CTDP1: variants seen among roughly 807,000 people sequenced by gnomAD.
The protein encoded by CTDP1 is RNA polymerase II subunit A C-terminal domain phosphatase.
A neutral mutation model predicts 91.8 loss-of-function variants in CTDP1; 47 were observed. That is an observed-to-expected ratio of 0.51 (90% confidence interval 0.41 to 0.65). The LOEUF is 0.65. CTDP1 is among the 30% of genes least tolerant of loss of function. The pLI, the probability that CTDP1 is intolerant of heterozygous loss-of-function variation, is 0.00. For synonymous variants in CTDP1, 656 were observed against 598.5 expected (o/e 1.10, Z -1.40); for missense variants, 1,272 against 1,373.7 (o/e 0.93, Z 1.17).
chr18:79,695,007 T>C (rs564071785), intron 1 of CTDP1, among the ~76,000 whole-genome samples: 2 of 152,304 alleles, frequency 1.3e-5, no homozygotes, highest in Admixed American at 1.3e-4. Flanking sequence ...TGAGGTGTGG[T>C]GGCGTGTCAT....
chr18:79,713,131 A>G lies in CTDP1; in HGVS notation c.1023A>G (p.Arg341=), dbSNP rs758608221. 21 of 1,613,918 alleles carry G rather than the reference A, an allele frequency of 1.3e-5. No homozygotes were observed. The African/African-American group carries it at 2.0e-4, about 15-fold the overall frequency. The part of the protein sequence containing the change: ...APPGSRESQT[R]KKVNHSRGTE... ...CTGGGTCCCGAGAATCTCAGACGAG[A>G]AAGAAAGGTGGGTAACCTCCTTCCT... Residue 341 remains arginine (R), a synonymous_variant, in exon 7 of 13, where the codon AGA becomes AGG. Coordinates refer to ENST00000613122, the MANE Select transcript of CTDP1 (RefSeq NM_004715.5). The surrounding 1 kb of genome is among the most constrained non-coding windows in gnomAD (Gnocchi z 4.7).
intron 11 of CTDP1, among the ~76,000 whole-genome samples, chr18:79,729,282 G>T (rs528300092): frequency 6.6e-6 from 1 of 152,354 alleles, no homozygotes; most frequent in South Asian, 2.1e-4. Flanking sequence ...TGTGTCCGCA[G>T]TGTGTGGCAT....
intron 12 of CTDP1, among the ~76,000 whole-genome samples, chr18:79,748,060 TTCTA>T (rs1405080810): frequency 1.3e-5 from 2 of 152,240 alleles, no homozygotes; most frequent in Non-Finnish European, 1.5e-5. Context: ...TTTCCCCAAA[TTCTA>T]TCTGTTAACA....
At chr18:79,716,756 C>T (rs2086217573) in intron 8 of CTDP1, among the ~76,000 whole-genome samples, 1 of 152,272 alleles carries the variant, frequency 6.6e-6, no homozygotes, top group African/African-American at 2.4e-5. Flanking sequence ...TTCCTTCCTT[C>T]CCCCTGAATT....
rs1244659199 is a variant in CTDP1 at position 79,713,511 on chromosome 18, A to AACC, written c.1030+374_1030+376dup. Reference sequence around the variant, plus strand: ...TGGGGGCGGTGGCTCTGCGGGGAATAACCGTTCCCCATGCGCAGTGGTCAG... The same window carrying AACC: ...TGGGGGCGGTGGCTCTGCGGGGAATAACCACCGTTCCCCATGCGCAGTGGTCAG... On this transcript the variant is annotated intron_variant, in intron 7 of 12. Coordinates refer to ENST00000613122, the MANE Select transcript of CTDP1 (RefSeq NM_004715.5). The surrounding 1 kb of genome is among the most constrained non-coding windows in gnomAD (Gnocchi z 4.7). Among the ~76,000 whole-genome samples, 2 of 152,202 alleles carry AACC rather than the reference A, an allele frequency of 1.3e-5. No individual in the cohort carries two copies. The highest frequency in any genetic ancestry group is 2.9e-5 in the Non-Finnish European group (2 of 68,032).
At chr18:79,690,271 G>T (rs1362111351) in intron 1 of CTDP1, among the ~76,000 whole-genome samples, 2 of 150,886 alleles carry the variant, frequency 1.3e-5, no homozygotes, top group East Asian at 3.8e-4. Context: ...GACCTCCCCT[G>T]AGAGAGCTGA....
At chr18:79,700,784 G>C (rs2085841615) in intron 4 of CTDP1, among the ~76,000 whole-genome samples, 1 of 152,222 alleles carries the variant, frequency 6.6e-6, no homozygotes, top group Non-Finnish European at 1.5e-5. Flanking sequence ...GACTTTCATA[G>C]CTGGAGAGGA....
At position 79,734,838 on chromosome 18, in the gene CTDP1, C is replaced by T. The variant is rs180917041; in HGVS notation, c.2581-1517C>T. ...GAAGTGTGAATATTAGTAACCTTGT[C>T]GAGTAACCAGATGCTCTTATTAAAT... On this transcript the variant is annotated intron_variant, in intron 11 of 12. Transcript: ENST00000613122. Among the ~76,000 whole-genome samples the T allele has an allele frequency of 9.8e-4, 150 of 152,314 alleles. 1 individual carries two copies. Among genetic ancestry groups the T allele is most frequent in the African/African-American group, 2.6e-3 (110 of 41,564 alleles).
At chr18:79,700,325 C>G (rs1471726982) in intron 4 of CTDP1, among the ~76,000 whole-genome samples, 1 of 152,162 alleles carries the variant, frequency 6.6e-6, no homozygotes, top group East Asian at 1.9e-4. Flanking sequence ...ACTAAACAGC[C>G]AAGGTGTGAA....
chr18:79,727,024 G>A (rs879502168), intron 10 of CTDP1, among the ~76,000 whole-genome samples: 1 of 131,934 alleles, frequency 7.6e-6, no homozygotes, highest in East Asian at 2.6e-4. Flanking sequence ...GGGTATGGGG[G>A]TGACGCCCTT....
At chr18:79,710,523 CT>C (rs1568190637) in intron 6 of CTDP1, 87 bp downstream of exon 6, 8 of 1,049,682 alleles carry the variant, frequency 7.6e-6, no homozygotes, top group East Asian at 2.5e-5. Context: ...AGCAGTATTT[CT>C]TTTTTTCTTT....
chr18:79,704,662 G>T, intron 4 of CTDP1, 105 bp from the exon 5 acceptor site: 1 of 1,463,994 alleles, frequency 6.8e-7, no homozygotes, highest in Non-Finnish European at 9.5e-7. Context: ...CGCTTGTCTG[G>T]GGCACACGTG....
intron 5 of CTDP1, among the ~76,000 whole-genome samples, chr18:79,706,800 G>A (rs1368031215): frequency 4.6e-5 from 7 of 152,222 alleles, no homozygotes; most frequent in African/African-American, 4.8e-5. Context: ...AGGACTGCAC[G>A]CCGCATGGCC....
At chr18:79,753,296 A>G (rs1220953075) in intron 12 of CTDP1, among the ~76,000 whole-genome samples, 2 of 152,266 alleles carry the variant, frequency 1.3e-5, no homozygotes, top group African/African-American at 4.8e-5. Flanking sequence ...CATAACACTA[A>G]TAGTTACTCT....
chr18:79,692,143 G>A (rs1181825452), intron 1 of CTDP1, among the ~76,000 whole-genome samples: 2 of 143,914 alleles, frequency 1.4e-5, no homozygotes, highest in Non-Finnish European at 3.1e-5. Context: ...TGGACTCGGG[G>A]TGGGGAGGAG....
rs1246237423 is a variant in CTDP1, at chr18:79,715,233, C to T, written c.1773C>T (p.Ile591=). 8.1e-6 allele frequency: 13 copies of T among 1,610,618 alleles called. No homozygotes were observed. Among genetic ancestry groups the T allele is most frequent in the African/African-American group, 1.3e-5 (1 of 74,914 alleles). ...ACACGGATGAGGATGACCACCTCAT[C>T]TACCTGGAGGAGATCCTGGTCCGTG... ...EEDTDEDDHL[I]YLEEILVRVH... Residue 591 remains isoleucine (I), a synonymous_variant, in exon 8 of 13, where the codon ATC becomes ATT. Coordinates refer to ENST00000613122, the MANE Select transcript of CTDP1 (RefSeq NM_004715.5).
At chr18:79,688,175 TGAC>T (rs1432422564) in intron 1 of CTDP1, among the ~76,000 whole-genome samples, 2 of 152,260 alleles carry the variant, frequency 1.3e-5, no homozygotes, top group Admixed American at 1.3e-4. Context: ...CAGCCACAGC[TGAC>T]GACTGCACTG....
chr18:79,696,107 G>T, intron 3 of CTDP1, 37 bp downstream of exon 3: 6 of 1,584,212 alleles, frequency 3.8e-6, no homozygotes, highest in Non-Finnish European at 5.2e-6. Flanking sequence ...TTGGGGAAGC[G>T]TGGTGCTCTG....
intron 4 of CTDP1, among the ~76,000 whole-genome samples, chr18:79,699,471 G>C (rs1314337962): frequency 6.6e-6 from 1 of 151,976 alleles, no homozygotes; most frequent in African/African-American, 2.4e-5. Context: ...CACCGTGTTA[G>C]CCAGGATGGT....
Sources: allele counts gnomAD v4.1 joint callset (sites outside exome capture counted in the v4.1 genomes callset), GRCh38; gene constraint gnomAD v4.1.1; non-coding constraint Gnocchi (gnomAD v3.1); transcripts MANE v1.5; gene names NCBI Gene and HGNC (gene_info 2026-07-23, HGNC 2026-07-21).